Variants in CSMD1 observed in about 807,000 individuals in gnomAD.
CSMD1 encodes the protein CUB and sushi domain-containing protein 1.
CSMD1 carries 213 observed loss-of-function variants against 417.5 expected under a neutral mutation model. That is an observed-to-expected ratio of 0.51 (90% CI 0.46 to 0.57). CSMD1 has a LOEUF of 0.57. Among genes scored for constraint, CSMD1 ranks in the 20% least tolerant of loss-of-function variants. The probability of loss-of-function intolerance (pLI) is 0.00; values close to 1 mark genes in which losing one functional copy is unlikely to be tolerated. For missense variants in CSMD1, 6,923 were observed against 4,529.7 expected, an observed-to-expected ratio of 1.53 and a Z score of -15.17; for synonymous variants, 2,862 against 1,736.8, an observed-to-expected ratio of 1.65 and a Z score of -16.11.
chr8:4,672,901 C>A (rs980573286), intron 1 of CSMD1, among the ~76,000 whole-genome samples: 1 of 152,040 alleles, frequency 6.6e-6, no homozygotes, highest in South Asian at 2.1e-4. Context: ...CATGAGACAA[C>A]AAACACATTC....
chr8:4,925,984 T>C (rs1000014693), intron 1 of CSMD1, among the ~76,000 whole-genome samples: 4 of 152,240 alleles, frequency 2.6e-5, no homozygotes, highest in African/African-American at 9.6e-5. Flanking sequence ...GTTTTAGCAA[T>C]GCATTCTTTC....
intron 12 of CSMD1, among the ~76,000 whole-genome samples, chr8:3,423,395 C>G (rs988887442): frequency 5.3e-5 from 8 of 152,218 alleles, no homozygotes; most frequent in African/African-American, 1.7e-4. Flanking sequence ...AGCTTTCTCT[C>G]TTCCAGAATT....
At chr8:4,026,752 T>C (rs1404282068) in intron 4 of CSMD1, among the ~76,000 whole-genome samples, 2 of 152,052 alleles carry the variant, frequency 1.3e-5, no homozygotes, top group African/African-American at 2.4e-5. Context: ...TAATAAGGGG[T>C]TGTAATGATA....
chr8:3,825,445 C>T (rs776598320), intron 5 of CSMD1, among the ~76,000 whole-genome samples: 1 of 152,086 alleles, frequency 6.6e-6, no homozygotes, highest in Non-Finnish European at 1.5e-5. Context: ...AGTAGAATCG[C>T]TTGAACCTGG....
chr8:4,684,237 C>T (rs986140969), intron 1 of CSMD1, among the ~76,000 whole-genome samples: 6 of 152,306 alleles, frequency 3.9e-5, no homozygotes, highest in East Asian at 1.9e-4. Flanking sequence ...CTTTATACTT[C>T]GGACAACTTT....
chr8:3,958,365 A>G (rs1812110949), intron 5 of CSMD1, among the ~76,000 whole-genome samples: 1 of 148,574 alleles, frequency 6.7e-6, no homozygotes, highest in African/African-American at 2.5e-5. Flanking sequence ...ATTAACTTTT[A>G]AGCTGTTTCA....
chr8:3,407,355 T>G (rs1483001726), intron 14 of CSMD1, among the ~76,000 whole-genome samples: 1 of 149,032 alleles, frequency 6.7e-6, no homozygotes, highest in African/African-American at 2.5e-5. Flanking sequence ...AATGGATGGA[T>G]GGAAAGATGG....
At chr8:3,820,263 G>A (rs1440160243) in intron 5 of CSMD1, among the ~76,000 whole-genome samples, 1 of 152,122 alleles carries the variant, frequency 6.6e-6, no homozygotes, top group African/African-American at 2.4e-5. Context: ...GTGGCAAATG[G>A]GAAGGTAGAA....
intron 1 of CSMD1, among the ~76,000 whole-genome samples, chr8:4,656,093 A>C (rs1804212679): frequency 6.6e-6 from 1 of 152,102 alleles, no homozygotes; most frequent in Non-Finnish European, 1.5e-5. Flanking sequence ...AGACAATGCT[A>C]GTCTTATGGG....
chr8:4,788,666 A>C, intron 1 of CSMD1: 1 of 612,668 alleles, frequency 1.6e-6, no homozygotes, highest in Non-Finnish European at 2.8e-6. Flanking sequence ...CAATATGAAA[A>C]GGTAATTATA....
At chr8:4,303,678 T>TG (rs1337867871) in intron 3 of CSMD1, among the ~76,000 whole-genome samples, 2 of 152,062 alleles carry the variant, frequency 1.3e-5, no homozygotes, top group African/African-American at 2.4e-5. Flanking sequence ...TTTTTTGAGA[T>TG]GTAGTCTTGC....
intron 3 of CSMD1, among the ~76,000 whole-genome samples, chr8:4,366,534 T>A (rs372193788): frequency 8.9e-4 from 136 of 152,318 alleles, no homozygotes; most frequent in African/African-American, 3.1e-3. Context: ...TTAATTTGCA[T>A]TCCACTCACA....
intron 2 of CSMD1, among the ~76,000 whole-genome samples, chr8:4,429,372 C>G (rs1048169891): frequency 6.6e-6 from 1 of 152,068 alleles, no homozygotes; most frequent in Non-Finnish European, 1.5e-5. Flanking sequence ...ATTTTACACA[C>G]ACACATCTAC....
At chr8:3,433,204 G>C (rs975350824) in intron 12 of CSMD1, among the ~76,000 whole-genome samples, 2 of 152,192 alleles carry the variant, frequency 1.3e-5, no homozygotes, top group African/African-American at 4.8e-5. Context: ...GACAACTTTT[G>C]TGGAACTACA....
intron 1 of CSMD1, among the ~76,000 whole-genome samples, chr8:4,638,810 C>T (rs1270720365): frequency 2.0e-5 from 3 of 152,140 alleles, no homozygotes; most frequent in Non-Finnish European, 4.4e-5. Flanking sequence ...AATTGAGTGC[C>T]ACAAAGCCAC....
chr8:4,915,886 A>G (rs113055794), intron 1 of CSMD1, among the ~76,000 whole-genome samples: 5 of 152,232 alleles, frequency 3.3e-5, no homozygotes, highest in South Asian at 2.1e-4. Flanking sequence ...TCAGCAAGCC[A>G]TAAGTGCCAG....
intron 3 of CSMD1, among the ~76,000 whole-genome samples, chr8:4,240,132 AG>A (rs1563322169): frequency 6.6e-6 from 1 of 152,226 alleles, no homozygotes; most frequent in Non-Finnish European, 1.5e-5. Context: ...TCTATCTAAA[AG>A]TAAAATAAAC....
At chr8:4,446,147 G>C (rs561053525) in intron 2 of CSMD1, among the ~76,000 whole-genome samples, 4 of 152,272 alleles carry the variant, frequency 2.6e-5, no homozygotes, top group African/African-American at 9.6e-5. Context: ...CGTGAGTTTT[G>C]AACTGAAACC....
chr8:4,485,840 G>T (rs560542477), intron 2 of CSMD1, among the ~76,000 whole-genome samples: 1 of 151,596 alleles, frequency 6.6e-6, no homozygotes, highest in Non-Finnish European at 1.5e-5. Flanking sequence ...ACATATAAAC[G>T]CAAATGTCAA....
Sources: allele counts gnomAD v4.1 joint callset (sites outside exome capture counted in the v4.1 genomes callset), GRCh38; gene constraint gnomAD v4.1.1; transcripts MANE v1.5; gene names NCBI Gene and HGNC (gene_info 2026-07-23, HGNC 2026-07-21).